The following PRSS3 variants were observed in gnomAD, a reference collection of about 807,000 sequenced individuals.
PRSS3 encodes the protein serine protease 3.
PRSS3 carries 14 observed loss-of-function variants against 20.8 expected under a neutral mutation model. The ratio of observed to expected loss-of-function variants is 0.67; its 90% CI spans 0.44 to 1.05. The LOEUF is 1.05. Ranked by LOEUF, PRSS3 falls within the 50% of genes least tolerant of loss-of-function variation. PRSS3 has a pLI of 0.00. For missense variants in PRSS3, 237 were observed against 306.4 expected (o/e 0.77, Z 1.69); for synonymous variants, 91 against 117.6 (o/e 0.77, Z 1.46).
At chr9:33,751,632 C>G (rs1210822272) in intron 1 of PRSS3, among the ~76,000 whole-genome samples, 1 of 152,228 alleles carries the variant, frequency 6.6e-6, no homozygotes, top group Non-Finnish European at 1.5e-5. Flanking sequence ...TTCCTCCTCC[C>G]GCACCTTTTT....
intron 1 of PRSS3, among the ~76,000 whole-genome samples, chr9:33,768,880 G>A (rs4120894): frequency 0.26 from 38,960 of 152,066 alleles, 5,207 homozygotes; most frequent in Non-Finnish European, 0.28. Context: ...AATAAAAAAG[G>A]AAAAGAAAAT....
rs371385056 is a variant in PRSS3 at position 33,796,441 on chromosome 9, G to T, written c.41-202G>T. Among the ~76,000 whole-genome samples, 65 of 152,352 alleles carry T rather than the reference G, an allele frequency of 4.3e-4. No homozygotes were observed. In the South Asian group the frequency reaches 6.2e-3, roughly 15 times the overall value. Reference sequence around the variant, plus strand: ...CCAGGAGAGATCTGAGCCCCTGCAGGGTACCTAGCTACGTGCCCTGCAGAC... The same window carrying T: ...CCAGGAGAGATCTGAGCCCCTGCAGTGTACCTAGCTACGTGCCCTGCAGAC... On this transcript the variant is annotated intron_variant, in intron 1 of 4. Coordinates refer to ENST00000379405, the MANE Select transcript of PRSS3 (RefSeq NM_002771.4).
chr9:33,784,951 G>A (rs1162051485), intron 1 of PRSS3, among the ~76,000 whole-genome samples: 1 of 152,000 alleles, frequency 6.6e-6, no homozygotes, highest in Non-Finnish European at 1.5e-5. Context: ...AAGGTCTCTA[G>A]GTCTTATCTG....
chr9:33,788,267 G>A (rs1033501244), intron 1 of PRSS3, among the ~76,000 whole-genome samples: 11 of 152,188 alleles, frequency 7.2e-5, no homozygotes, highest in African/African-American at 2.7e-4. Flanking sequence ...GCAGACAGGT[G>A]CAGAGTTTTG....
intron 1 of PRSS3, among the ~76,000 whole-genome samples, chr9:33,787,380 G>A (rs937647745): frequency 8.5e-5 from 13 of 152,080 alleles, no homozygotes; most frequent in African/African-American, 3.1e-4. Flanking sequence ...GCAAAGTTCA[G>A]GAACCTTCTA....
Position 33,750,705 on chromosome 9 carries a change from C to T in PRSS3, c.-75C>T, listed in dbSNP as rs1587362924. On this transcript the variant is annotated 5_prime_UTR_variant, in exon 1 of 6. Transcript: ENST00000342836. This position sits in a 1 kb window ranked among gnomAD's most constrained non-coding sequence, Gnocchi z 4.8. ...CTTGGCGAGCGGCGCGGGATGCAGA[C>T]GGCTGCGAGGCGCTGGGCACAGGTC... 1 of 1,446,570 alleles carries T rather than the reference C, an allele frequency of 6.9e-7. No homozygotes were observed. The highest frequency in any genetic ancestry group is 9.0e-7 in the Non-Finnish European group (1 of 1,105,358). 89.6% of individuals were successfully genotyped at this position (1,446,570 alleles called of 1,614,324 possible).
upstream of PRSS3, among the ~76,000 whole-genome samples, chr9:33,795,270 G>A (rs563189687): frequency 9.2e-5 from 14 of 151,940 alleles, no homozygotes; most frequent in East Asian, 1.5e-3. Flanking sequence ...CTCGGCCTAC[G>A]AAAGCCCAGC....
At chr9:33,793,853 T>C (rs796225378), upstream of PRSS3, 1 of 342,600 alleles carries the variant, frequency 2.9e-6, no homozygotes, top group Non-Finnish European at 4.1e-6. Context: ...AGTCAAACTG[T>C]GAAACTCAGC....
upstream of PRSS3, among the ~76,000 whole-genome samples, chr9:33,793,404 C>T (rs1368427480): frequency 6.6e-6 from 1 of 152,118 alleles, no homozygotes; most frequent in Non-Finnish European, 1.5e-5. Flanking sequence ...AGGAAAAACC[C>T]ATATTATCAA....
At chr9:33,780,669 T>A (rs1299501794) in intron 1 of PRSS3, among the ~76,000 whole-genome samples, 1 of 152,134 alleles carries the variant, frequency 6.6e-6, no homozygotes, top group African/African-American at 2.4e-5. Flanking sequence ...ATCTCACATG[T>A]AACAACACCC....
chr9:33,771,243 T>C (rs864427), intron 1 of PRSS3, among the ~76,000 whole-genome samples: 147,491 of 152,160 alleles, frequency 0.97, 71,566 homozygotes, highest in Non-Finnish European at 1. Context: ...AAGACCAGCC[T>C]TGGCTGGTCT....
Position 33,787,288 on chromosome 9 carries a change from C to T in PRSS3, c.-52-7458C>T, listed in dbSNP as rs138929455. Among the ~76,000 whole-genome samples the T allele has an allele frequency of 6.6e-5, 10 of 152,282 alleles. No homozygotes were observed. In the East Asian group the frequency reaches 1.9e-3, roughly 29 times the overall value. The stretch of plus-strand genomic sequence containing the variant: ...ATTACATTAATGACATCTGGTTGTT[C>T]TCCGTGGATAGGAATTATAAAGCCC... On this transcript the variant is annotated intron_variant, in intron 1 of 5. Coordinates refer to the PRSS3 transcript ENST00000342836.
rs142365708 is a variant in PRSS3 at position 33,785,733 on chromosome 9, G to T, written c.-52-9013G>T. 2.3e-3 allele frequency among the ~76,000 whole-genome samples: 356 copies of T among 152,304 alleles called. 1 individual carries two copies. The highest frequency in any genetic ancestry group is 7.9e-3 in the African/African-American group (328 of 41,560). Reference sequence around the variant, plus strand: ...AACGTGCAAGAAGAACAAGGATGCCGTTTGTTGGGAGAGGGGAATTGAGGA... The same window carrying T: ...AACGTGCAAGAAGAACAAGGATGCCTTTTGTTGGGAGAGGGGAATTGAGGA... On this transcript the variant is annotated intron_variant, in intron 1 of 5. Coordinates refer to the PRSS3 transcript ENST00000342836.
At chr9:33,796,909 G>A in intron 2 of PRSS3, 107 bp downstream of exon 2, 1 of 1,580,054 alleles carries the variant, frequency 6.3e-7, no homozygotes. Context: ...GGGAGAGGTG[G>A]TGGAAAAGAA....
At chr9:33,791,339 C>A (rs1824622916), upstream of PRSS3, among the ~76,000 whole-genome samples, 1 of 152,116 alleles carries the variant, frequency 6.6e-6, no homozygotes. Flanking sequence ...CAGTTCTGAG[C>A]CTTGGGAGCC....
intron 1 of PRSS3, among the ~76,000 whole-genome samples, chr9:33,773,736 C>A (rs1823803505): frequency 6.6e-6 from 1 of 152,192 alleles, no homozygotes; most frequent in South Asian, 2.1e-4. Context: ...CTCAACCTCA[C>A]AGGCTCAAGC....
rs148148708 is a variant in PRSS3, at chr9:33,766,541, C to T, written c.-53+15814C>T. 5.9e-3 allele frequency among the ~76,000 whole-genome samples: 890 copies of T among 152,088 alleles called. 7 individuals are homozygous for T. Among genetic ancestry groups the T allele is most frequent in the African/African-American group, 0.02 (840 of 41,488 alleles). On this transcript the variant is annotated intron_variant, in intron 1 of 5. Coordinates refer to the PRSS3 transcript ENST00000342836. ...TGAGCAGAGATCGCACCACTGCGCTCCAGCCTGGGCGACAGAGCAAGACTC... is the reference window on the plus strand; with the variant it reads ...TGAGCAGAGATCGCACCACTGCGCTTCAGCCTGGGCGACAGAGCAAGACTC...
At chr9:33,774,691 T>A (rs1362586453) in intron 1 of PRSS3, among the ~76,000 whole-genome samples, 1 of 151,084 alleles carries the variant, frequency 6.6e-6, no homozygotes, top group Non-Finnish European at 1.5e-5. Flanking sequence ...AAGGAGGGTT[T>A]AAAAAAAAAG....
chr9:33,766,499 G>T (rs565534897), intron 1 of PRSS3, among the ~76,000 whole-genome samples: 16 of 152,132 alleles, frequency 1.1e-4, no homozygotes, highest in African/African-American at 3.9e-4. Context: ...CGTGAACCGG[G>T]GAGGTGGAGC....
Sources: allele counts gnomAD v4.1 joint callset (sites outside exome capture counted in the v4.1 genomes callset), GRCh38; gene constraint gnomAD v4.1.1; non-coding constraint Gnocchi (gnomAD v3.1); transcripts MANE v1.5; gene names NCBI Gene and HGNC (gene_info 2026-07-23, HGNC 2026-07-21).